Variants in PSD3 observed in about 807,000 individuals in gnomAD.
PSD3 encodes the protein PH and SEC7 domain-containing protein 3.
PSD3 carries 49 observed loss-of-function variants against 105.5 expected under a neutral mutation model. The ratio of observed to expected loss-of-function variants is 0.46; its 90% CI spans 0.37 to 0.59. The LOEUF is 0.59. Among genes scored for constraint, PSD3 ranks in the 20% least tolerant of loss-of-function variants. The pLI, the probability that PSD3 is intolerant of heterozygous loss-of-function variation, is 0.00. For missense variants in PSD3, 1,561 were observed against 1,263.8 expected, an observed-to-expected ratio of 1.24 and a Z score of -3.57; for synonymous variants, 557 against 457.8, an observed-to-expected ratio of 1.22 and a Z score of -2.77.
chr8:18,931,749 C>T (rs1821763838), intron 2 of PSD3, among the ~76,000 whole-genome samples: 2 of 152,214 alleles, frequency 1.3e-5, no homozygotes, highest in Non-Finnish European at 2.9e-5. Context: ...GTACCTTCTC[C>T]AACAGAAGAG....
intron 4 of PSD3, among the ~76,000 whole-genome samples, chr8:18,845,545 C>T (rs1815014480): frequency 6.6e-6 from 1 of 152,228 alleles, no homozygotes; most frequent in Non-Finnish European, 1.5e-5. Context: ...GCAGTGTCAG[C>T]CACACCCATG....
chr8:18,823,780 TCACACACACACA>T (rs3042864), intron 4 of PSD3, among the ~76,000 whole-genome samples: 2 of 66,100 alleles, frequency 3.0e-5, no homozygotes, highest in African/African-American at 9.5e-5. Context: ...TTAAACACAC[TCACACACACACA>T]CACACACACA....
chr8:18,802,178 G>A, intron 6 of PSD3: 1 of 203,168 alleles, frequency 4.9e-6, no homozygotes, highest in Non-Finnish European at 1.1e-5. Context: ...GGAGGAAATT[G>A]GGAGATATAA....
At chr8:18,896,880 G>C (rs544737759) in intron 2 of PSD3, among the ~76,000 whole-genome samples, 2 of 151,526 alleles carry the variant, frequency 1.3e-5, no homozygotes, top group Non-Finnish European at 2.9e-5. Flanking sequence ...GCATGATCTC[G>C]GCTCACCACA....
intron 12 of PSD3, among the ~76,000 whole-genome samples, chr8:18,588,320 T>C (rs1803346602): frequency 6.6e-6 from 1 of 152,188 alleles, no homozygotes; most frequent in Non-Finnish European, 1.5e-5. Context: ...CACAGAACTA[T>C]GAAGTTTAAG....
At chr8:18,920,698 A>T (rs1193779998) in intron 2 of PSD3, among the ~76,000 whole-genome samples, 1 of 152,216 alleles carries the variant, frequency 6.6e-6, no homozygotes, top group Non-Finnish European at 1.5e-5. Flanking sequence ...CCAACAGGAC[A>T]TTCGAGGCCA....
chr8:18,863,900 G>A (rs149998159), intron 4 of PSD3, among the ~76,000 whole-genome samples: 414 of 152,234 alleles, frequency 2.7e-3, no homozygotes, highest in African/African-American at 9.5e-3. Context: ...AAGACTGGAA[G>A]GCATTCCTGA....
intron 9 of PSD3, among the ~76,000 whole-genome samples, chr8:18,697,054 G>T (rs1353092296): frequency 6.9e-5 from 5 of 72,896 alleles, no homozygotes; most frequent in Admixed American, 4.7e-4. Flanking sequence ...ACCAGCCTGG[G>T]CAACATAGTA....
intron 2 of PSD3, among the ~76,000 whole-genome samples, chr8:18,928,824 C>T (rs1821553077): frequency 6.6e-6 from 1 of 150,570 alleles, no homozygotes; most frequent in Non-Finnish European, 1.5e-5. Context: ...CTCCTCTCTT[C>T]TGCCTTTTAT....
intron 4 of PSD3, among the ~76,000 whole-genome samples, chr8:18,824,281 G>A (rs1423723743): frequency 6.6e-6 from 1 of 152,224 alleles, no homozygotes; most frequent in Admixed American, 6.5e-5. Context: ...TCTGTCTTCA[G>A]TCCTAGAGTA....
At position 18,774,764 on chromosome 8, in the gene PSD3, T is replaced by C. The variant is rs916160339; in HGVS notation, c.2083-9226A>G. 2.8e-5 allele frequency: 11 copies of C among 393,298 alleles called. No individual in the cohort carries two copies. In the Admixed American group the frequency reaches 3.2e-4, roughly 12 times the overall value. The allele number at this position is 393,298 out of a possible 1,614,324, so 24.4% of individuals were successfully genotyped here. On this transcript the variant is annotated intron_variant, in intron 8 of 15. Coordinates refer to ENST00000327040, the MANE Select transcript of PSD3 (RefSeq NM_015310.4). ...TGACGGTGAGAACACAGGCAACAGA[T>C]TTGGAAATGACTACAATCTAAGAGA...
chr8:18,935,082 TACC>T (rs1822019679), intron 2 of PSD3, among the ~76,000 whole-genome samples: 1 of 152,132 alleles, frequency 6.6e-6, no homozygotes, highest in South Asian at 2.1e-4. Flanking sequence ...GGGATAACGG[TACC>T]AACTTATAAG....
At chr8:19,028,610 T>C (rs556904231) in intron 1 of PSD3, among the ~76,000 whole-genome samples, 2 of 152,318 alleles carry the variant, frequency 1.3e-5, no homozygotes, top group African/African-American at 4.8e-5. Context: ...CAGATATGTA[T>C]TTTGTAAATG....
At chr8:18,663,549 G>A (rs536572519) in intron 9 of PSD3, among the ~76,000 whole-genome samples, 4 of 152,200 alleles carry the variant, frequency 2.6e-5, no homozygotes, top group Admixed American at 6.5e-5. Context: ...TATTTTGGGG[G>A]TGGACTTGAT....
upstream of PSD3, chr8:19,014,205 G>C (rs1046703443): frequency 6.6e-6 from 1 of 152,302 alleles, no homozygotes; most frequent in Admixed American, 6.5e-5. The surrounding 1 kb of genome is among the most constrained non-coding windows in gnomAD (Gnocchi z 4.9). Context: ...AGGTACGCGG[G>C]CTTCGGGACA....
chr8:18,582,476 T>G (rs889170983), intron 12 of PSD3, among the ~76,000 whole-genome samples: 1 of 152,114 alleles, frequency 6.6e-6, no homozygotes, highest in Non-Finnish European at 1.5e-5. Flanking sequence ...AGGGCACATA[T>G]GAGTATATGG....
intron 1 of PSD3, among the ~76,000 whole-genome samples, chr8:18,945,095 C>G (rs1048046298): frequency 2.0e-4 from 30 of 152,192 alleles, no homozygotes; most frequent in African/African-American, 6.5e-4. Flanking sequence ...TACGTACACA[C>G]ACACATTCAC....
At chr8:19,008,261 T>C (rs940264793) in intron 1 of PSD3, among the ~76,000 whole-genome samples, 1 of 152,240 alleles carries the variant, frequency 6.6e-6, no homozygotes, top group Non-Finnish European at 1.5e-5. Context: ...AAAGTAACTT[T>C]GCTATTCAAA....
intron 9 of PSD3, among the ~76,000 whole-genome samples, chr8:18,752,585 ATTATATAT>A (rs1805660946): frequency 1.2e-5 from 1 of 81,036 alleles, no homozygotes; most frequent in African/African-American, 6.4e-5. Context: ...AATTATATAT[ATTATATAT>A]TATATATTAT....
Sources: gnomAD v4.1 joint callset for allele counts (sites outside exome capture counted in the v4.1 genomes callset) on GRCh38, gnomAD v4.1.1 for gene constraint, Gnocchi (gnomAD v3.1) non-coding constraint, MANE v1.5 for transcripts, NCBI Gene and HGNC (gene_info 2026-07-23, HGNC 2026-07-21) for gene names.